HCRTR2: variants seen among roughly 807,000 people sequenced by gnomAD.
The protein encoded by HCRTR2 is orexin receptor type 2.
HCRTR2 carries 22 observed loss-of-function variants against 49.0 expected under a neutral mutation model. The ratio of observed to expected loss-of-function variants is 0.45; its 90% CI spans 0.32 to 0.64. HCRTR2 has a LOEUF of 0.64. Ranked by LOEUF, HCRTR2 falls within the 30% of genes least tolerant of loss-of-function variation. The pLI is 0.04. For missense variants in HCRTR2, 491 were observed against 559.4 expected, an observed-to-expected ratio of 0.88 and a Z score of 1.23; for synonymous variants, 236 against 205.3, an observed-to-expected ratio of 1.15 and a Z score of -1.28.
chr6:55,251,763 C>T (rs1422738628), intron 2 of HCRTR2, among the ~76,000 whole-genome samples: 1 of 152,010 alleles, frequency 6.6e-6, no homozygotes, highest in Non-Finnish European at 1.5e-5. Flanking sequence ...AAACAGTGGA[C>T]TTCTCTACTA....
intron 6 of HCRTR2, among the ~76,000 whole-genome samples, chr6:55,281,591 T>C (rs1044187142): frequency 6.6e-6 from 1 of 152,234 alleles, no homozygotes; most frequent in African/African-American, 2.4e-5. Context: ...TGATTCGCAA[T>C]ACTGCCATTC....
chr6:55,152,858 G>A (rs1162701862), intron 1 of HCRTR2, among the ~76,000 whole-genome samples: 1 of 151,904 alleles, frequency 6.6e-6, no homozygotes, highest in Non-Finnish European at 1.5e-5. Flanking sequence ...CATTACATAG[G>A]TTGACTTTTC....
intron 1 of HCRTR2, among the ~76,000 whole-genome samples, chr6:55,176,216 G>C (rs1456403022): frequency 6.6e-6 from 1 of 152,138 alleles, no homozygotes; most frequent in Admixed American, 6.6e-5. Context: ...TTGGTAGAAT[G>C]TTATTTGAGG....
chr6:55,174,920 C>A (rs1765012583), intron 1 of HCRTR2, 110 bp downstream of exon 1: 9 of 791,642 alleles, frequency 1.1e-5, no homozygotes, highest in South Asian at 8.6e-5. Context: ...ACAAAGAGGT[C>A]GCTGCTCTCG....
intron 1 of HCRTR2, among the ~76,000 whole-genome samples, chr6:55,237,110 T>A (rs922511928): frequency 6.6e-6 from 1 of 152,096 alleles, no homozygotes; most frequent in African/African-American, 2.4e-5. Flanking sequence ...GTGTTTCCAG[T>A]TCACATATTT....
rs964410494 is a variant in HCRTR2, at chr6:55,185,934, G to A, written c.223+11124G>A. 4.6e-5 allele frequency among the ~76,000 whole-genome samples: 7 copies of A among 152,126 alleles called. No individual in the cohort carries two copies. The South Asian group carries it at 8.3e-4, about 18-fold the overall frequency. ...TTTTCACAATTTCTGATCCTCCTAT[G>A]ACTGGCTCCTGCTCAGCTCACACTG... On this transcript the variant is annotated intron_variant, in intron 1 of 6. Transcript: ENST00000370862.
At chr6:55,140,183 C>T (rs1764488093) in intron 1 of HCRTR2, among the ~76,000 whole-genome samples, 1 of 152,016 alleles carries the variant, frequency 6.6e-6, no homozygotes, top group Non-Finnish European at 1.5e-5. Flanking sequence ...AATGGAAAAC[C>T]AACCAGATAT....
At chr6:55,110,386 A>T (rs1049639737) in intron 1 of HCRTR2, among the ~76,000 whole-genome samples, 1 of 152,062 alleles carries the variant, frequency 6.6e-6, no homozygotes. Flanking sequence ...CAATACTAAC[A>T]CTGAGTGTAA....
At chr6:55,156,885 TCA>T (rs1764738652) in intron 1 of HCRTR2, among the ~76,000 whole-genome samples, 2 of 152,126 alleles carry the variant, frequency 1.3e-5, no homozygotes, top group African/African-American at 2.4e-5. Flanking sequence ...GGGAACTTCC[TCA>T]ACTTTACAAA....
chr6:55,172,222 T>C (rs901266558), upstream of HCRTR2, among the ~76,000 whole-genome samples: 1 of 152,230 alleles, frequency 6.6e-6, no homozygotes, highest in African/African-American at 2.4e-5. Flanking sequence ...CACATATCAA[T>C]TGGGTCTTTT....
chr6:55,263,604 A>G (rs1766808247), intron 3 of HCRTR2, 103 bp from the exon 4 acceptor site: 3 of 704,244 alleles, frequency 4.3e-6, no homozygotes, highest in Non-Finnish European at 7.7e-6. Flanking sequence ...ATGAAATCAT[A>G]TAAAAGGTAA....
chr6:55,244,781 T>G (rs1205799533), intron 1 of HCRTR2, among the ~76,000 whole-genome samples: 1 of 152,110 alleles, frequency 6.6e-6, no homozygotes, highest in East Asian at 1.9e-4. Flanking sequence ...TTCCAGGGTT[T>G]CTAGAGTTTC....
intron 1 of HCRTR2, among the ~76,000 whole-genome samples, chr6:55,154,499 A>C (rs960304175): frequency 7.2e-5 from 11 of 151,812 alleles, no homozygotes; most frequent in Non-Finnish European, 1.6e-4. Context: ...TACCACTTTA[A>C]CAAAATGAAG....
chr6:55,241,549 A>G (rs937476153), intron 1 of HCRTR2, among the ~76,000 whole-genome samples: 4 of 152,132 alleles, frequency 2.6e-5, no homozygotes, highest in African/African-American at 9.7e-5. Context: ...AAGAAATCGC[A>G]AAGTGTTTTA....
intron 1 of HCRTR2, among the ~76,000 whole-genome samples, chr6:55,245,349 A>C (rs1300005985): frequency 6.8e-6 from 1 of 146,040 alleles, no homozygotes; most frequent in African/African-American, 2.5e-5. Flanking sequence ...TAGCATCTAC[A>C]CAAGGGAACC....
chr6:55,219,594 C>A (rs565609354), intron 1 of HCRTR2, among the ~76,000 whole-genome samples: 2 of 151,818 alleles, frequency 1.3e-5, no homozygotes, highest in South Asian at 4.1e-4. Flanking sequence ...TAAGTGACTA[C>A]ATTATAAAAG....
At chr6:55,260,409 C>G (rs183283231) in intron 3 of HCRTR2, among the ~76,000 whole-genome samples, 1 of 152,240 alleles carries the variant, frequency 6.6e-6, no homozygotes, top group Admixed American at 6.5e-5. Context: ...GGCTGTGGCA[C>G]TTCAAAGGGA....
chr6:55,151,581 T>C (rs919361511), intron 1 of HCRTR2, among the ~76,000 whole-genome samples: 6 of 151,998 alleles, frequency 3.9e-5, no homozygotes. Flanking sequence ...CACTGAAACC[T>C]TGAGCTTCTC....
chr6:55,156,220 A>T (rs1561989616), intron 1 of HCRTR2, among the ~76,000 whole-genome samples: 1 of 151,940 alleles, frequency 6.6e-6, no homozygotes, highest in Non-Finnish European at 1.5e-5. Context: ...AGACCAAGAG[A>T]AATTAAGTAT....
Sources: gnomAD v4.1 joint callset for allele counts (sites outside exome capture counted in the v4.1 genomes callset) on GRCh38, gnomAD v4.1.1 for gene constraint, MANE v1.5 for transcripts, NCBI Gene and HGNC (gene_info 2026-07-23, HGNC 2026-07-21) for gene names.